PEAK1: variants seen among roughly 807,000 people sequenced by gnomAD.
PEAK1 encodes pseudopodium enriched atypical kinase 1.
PEAK1 carries 54 observed loss-of-function variants against 124.7 expected under a neutral mutation model. The observed-to-expected ratio is 0.43, with a 90% CI of 0.35 to 0.54. The LOEUF is 0.54. PEAK1 is among the 20% of genes least tolerant of loss of function. The pLI, the probability that PEAK1 is intolerant of heterozygous loss-of-function variation, is 0.01. For missense variants in PEAK1, 2,046 were observed against 2,134.5 expected (o/e 0.96, Z 0.82); for synonymous variants, 719 against 760.0 (o/e 0.95, Z 0.89).
At chr15:77,398,748 T>C (rs2071107584) in intron 1 of PEAK1, among the ~76,000 whole-genome samples, 1 of 152,136 alleles carries the variant, frequency 6.6e-6, no homozygotes, top group Non-Finnish European at 1.5e-5. Flanking sequence ...AAAATAATAC[T>C]GGAAGTCCTA....
At chr15:77,295,637 TA>T (rs1262411596) in intron 2 of PEAK1, among the ~76,000 whole-genome samples, 4 of 152,200 alleles carry the variant, frequency 2.6e-5, no homozygotes, top group African/African-American at 9.6e-5. Flanking sequence ...TGTAGGCCAG[TA>T]AATTCCAACA....
intron 2 of PEAK1, among the ~76,000 whole-genome samples, chr15:77,293,646 C>T (rs769596045): frequency 1.6e-4 from 25 of 152,020 alleles, no homozygotes; most frequent in Non-Finnish European, 3.2e-4. Flanking sequence ...ATTACTTAAA[C>T]GTAGTTATAA....
At chr15:77,351,771 A>G in intron 2 of PEAK1, 1 of 985,448 alleles carries the variant, frequency 1.0e-6, no homozygotes, top group Non-Finnish European at 1.2e-6. Context: ...CCATGTTAAG[A>G]CTTTATCTTG....
intron 5 of PEAK1, among the ~76,000 whole-genome samples, chr15:77,274,001 C>T (rs1482713811): frequency 6.6e-6 from 1 of 152,060 alleles, no homozygotes; most frequent in Non-Finnish European, 1.5e-5. Context: ...TGATCTTTGA[C>T]AAAGCAACAA....
At chr15:77,367,162 C>A (rs1187294518) in intron 1 of PEAK1, among the ~76,000 whole-genome samples, 7 of 152,018 alleles carry the variant, frequency 4.6e-5, no homozygotes, top group Non-Finnish European at 8.8e-5. Flanking sequence ...ACTAAAAGTA[C>A]AAATGATTTG....
At chr15:77,318,320 T>C (rs915873517) in intron 2 of PEAK1, among the ~76,000 whole-genome samples, 2 of 152,178 alleles carry the variant, frequency 1.3e-5, no homozygotes, top group African/African-American at 4.8e-5. Context: ...AGACAGGAGA[T>C]CTCTGTATTA....
intron 2 of PEAK1, among the ~76,000 whole-genome samples, chr15:77,320,603 A>G (rs147353053): frequency 1.3e-5 from 2 of 152,272 alleles, no homozygotes; most frequent in African/African-American, 4.8e-5. Flanking sequence ...TAGAGCAGCT[A>G]ACTGAGCCTC....
Position 77,181,853 on chromosome 15 carries a change from C to T in PEAK1, c.74G>A (p.Ser25Asn). The stretch of plus-strand genomic sequence containing the variant: ...AGGGTCTGGGGGAAGCTGGTGCAAA[C>T]TTTTAGGTTTAAAGCAATTCTTGCA... The part of the protein sequence containing the change: ...GECKNCFKPK[S>N]LHQLPPDPEK... The change falls in exon 7 of 10, where the codon AGT (serine) becomes AAT (asparagine). Residue 25 changes from serine to asparagine, a missense_variant. Coordinates refer to ENST00000682557, the MANE Select transcript of PEAK1 (RefSeq NM_001385026.1). 1 of 1,612,668 alleles carries T rather than the reference C, an allele frequency of 6.2e-7. No homozygotes were observed. The highest frequency in any genetic ancestry group is 1.1e-5 in the South Asian group (1 of 90,942).
chr15:77,188,129 C>T (rs2057640777), intron 6 of PEAK1, among the ~76,000 whole-genome samples: 2 of 152,040 alleles, frequency 1.3e-5, no homozygotes, highest in South Asian at 2.1e-4. Flanking sequence ...AAGGGACTTT[C>T]TTGAGATCTG....
chr15:77,347,926 C>T (rs1052889231), intron 2 of PEAK1: 1 of 984,788 alleles, frequency 1.0e-6, no homozygotes, highest in African/African-American at 1.7e-5. Context: ...GAAGGATAAA[C>T]TTTATTTTTA....
chr15:77,168,248 C>CACACACAA (rs2056262298), intron 7 of PEAK1, among the ~76,000 whole-genome samples: 1 of 151,536 alleles, frequency 6.6e-6, no homozygotes, highest in Non-Finnish European at 1.5e-5. Flanking sequence ...CACACACACA[C>CACACACAA]ACACACACAC....
chr15:77,377,565 G>A (rs2069132690), intron 1 of PEAK1, among the ~76,000 whole-genome samples: 1 of 150,806 alleles, frequency 6.6e-6, no homozygotes, highest in African/African-American at 2.5e-5. Flanking sequence ...CACCTCCCAG[G>A]TTCAAGCGAT....
chr15:77,227,925 G>T (rs2059747442), intron 6 of PEAK1, among the ~76,000 whole-genome samples: 2 of 152,112 alleles, frequency 1.3e-5, no homozygotes, highest in Admixed American at 6.5e-5. Flanking sequence ...GAGCCCAGGG[G>T]TTCAAGGTTG....
rs1231961874 is a variant in PEAK1 at position 77,181,448 on chromosome 15, TCCA to T, written c.476_478del (p.Leu159_Asp160delinsTyr). 1 of 1,614,220 alleles carries T rather than the reference TCCA, an allele frequency of 6.2e-7. No individual in the cohort carries two copies. Among genetic ancestry groups the T allele is most frequent in the Non-Finnish European group, 8.5e-7 (1 of 1,180,032 alleles). ...ATTTCCTCTTATCTGAGGGGCAGTA[TCCA>T]AGCCTGCTATCTCCTTTAACACTTC... On this transcript the variant is annotated inframe_deletion, in exon 7 of 10. Coordinates refer to ENST00000682557, the MANE Select transcript of PEAK1 (RefSeq NM_001385026.1).
chr15:77,237,482 C>T (rs1237182434), intron 6 of PEAK1, among the ~76,000 whole-genome samples: 1 of 149,890 alleles, frequency 6.7e-6, no homozygotes, highest in Non-Finnish European at 1.5e-5. Flanking sequence ...GTGAACATGG[C>T]GCCTATAATT....
At chr15:77,205,887 A>G (rs1002557513) in intron 6 of PEAK1, among the ~76,000 whole-genome samples, 79 of 150,498 alleles carry the variant, frequency 5.2e-4, no homozygotes, top group Admixed American at 4.6e-4. Context: ...CAGGTTAGTT[A>G]CATATGTATA....
intron 6 of PEAK1, among the ~76,000 whole-genome samples, chr15:77,225,281 G>A (rs1003411018): frequency 6.6e-6 from 1 of 151,920 alleles, no homozygotes; most frequent in Non-Finnish European, 1.5e-5. Flanking sequence ...GTGTGTAACT[G>A]TTATGTTGCA....
intron 2 of PEAK1, among the ~76,000 whole-genome samples, chr15:77,311,119 G>C (rs1306393808): frequency 1.3e-5 from 2 of 152,148 alleles, no homozygotes; most frequent in Non-Finnish European, 2.9e-5. Context: ...CATTTAAATA[G>C]GTTATTATGA....
At chr15:77,254,913 A>G (rs2061055695) in intron 5 of PEAK1, among the ~76,000 whole-genome samples, 1 of 152,226 alleles carries the variant, frequency 6.6e-6, no homozygotes, top group African/African-American at 2.4e-5. Context: ...AACTGATTTC[A>G]GAGATCTTCA....
Sources: gnomAD v4.1 joint callset for allele counts (sites outside exome capture counted in the v4.1 genomes callset) on GRCh38, gnomAD v4.1.1 for gene constraint, MANE v1.5 for transcripts, NCBI Gene and HGNC (gene_info 2026-07-23, HGNC 2026-07-21) for gene names.